Variants in SDK1 observed in about 807,000 individuals in gnomAD.
SDK1 encodes the protein sidekick cell adhesion molecule 1.
A neutral mutation model predicts 245.5 loss-of-function variants in SDK1; 157 were observed. The observed-to-expected ratio is 0.64, with a 90% CI of 0.56 to 0.73. The LOEUF is 0.73. Ranked by LOEUF, SDK1 falls within the 30% of genes least tolerant of loss-of-function variation. The pLI, the probability that SDK1 is intolerant of heterozygous loss-of-function variation, is 0.00. For missense variants in SDK1, 3,583 were observed against 3,002.3 expected, an observed-to-expected ratio of 1.19 and a Z score of -4.52; for synonymous variants, 1,647 against 1,278.5, an observed-to-expected ratio of 1.29 and a Z score of -6.15.
rs143942597 is a variant in SDK1, at chr7:3,552,049, T to C, written c.299-67031T>C. Among the ~76,000 whole-genome samples the C allele has an allele frequency of 9.0e-3, 1,362 of 151,832 alleles. 3 individuals carry two copies. The highest frequency in any genetic ancestry group is 0.011 in the African/African-American group (476 of 41,448). On this transcript the variant is annotated intron_variant, in intron 1 of 44. Coordinates refer to ENST00000404826, the MANE Select transcript of SDK1 (RefSeq NM_152744.4). Reference sequence around the variant, plus strand: ...TTTTACTCTTCTTCTTCTTCTTCTTTTTTTTTTGAGCCGGAGCCTCGCTCT... The same window carrying C: ...TTTTACTCTTCTTCTTCTTCTTCTTCTTTTTTTGAGCCGGAGCCTCGCTCT...
intron 22 of SDK1, 76 bp downstream of exon 22, chr7:4,079,660 C>T (rs1780933025): frequency 1.9e-6 from 3 of 1,574,808 alleles, no homozygotes; most frequent in Non-Finnish European, 2.6e-6. Context: ...GGTACCCCTG[C>T]AGATGATGGC....
chr7:4,198,779 G>T (rs961518433), intron 35 of SDK1, among the ~76,000 whole-genome samples: 1 of 151,290 alleles, frequency 6.6e-6, no homozygotes, highest in Non-Finnish European at 1.5e-5. Flanking sequence ...ACCCCTCGAA[G>T]CCTCAGCTTT....
At chr7:3,323,847 C>T (rs1779877247) in intron 1 of SDK1, among the ~76,000 whole-genome samples, 1 of 152,174 alleles carries the variant, frequency 6.6e-6, no homozygotes, top group African/African-American at 2.4e-5. Context: ...TTCTGCCTAG[C>T]ACAGTGTTTA....
intron 4 of SDK1, among the ~76,000 whole-genome samples, chr7:3,738,788 C>G (rs191840128): frequency 1.1e-3 from 171 of 149,978 alleles, no homozygotes; most frequent in African/African-American, 2.9e-3. Flanking sequence ...CTTTTTAATA[C>G]TATTGTAATG....
chr7:4,094,285 C>T lies in SDK1; in HGVS notation c.3324+14701C>T, dbSNP rs184209387. On this transcript the variant is annotated intron_variant, in intron 22 of 44. Transcript: ENST00000404826. Reference sequence around the variant, plus strand: ...CCATGTTGTCCAGGCTGGTCTCAAACTCCTGACCTCAAATGATCCACCCAC... The same window carrying T: ...CCATGTTGTCCAGGCTGGTCTCAAATTCCTGACCTCAAATGATCCACCCAC... Among the ~76,000 whole-genome samples the T allele has an allele frequency of 3.3e-5, 5 of 152,302 alleles. No individual in the cohort carries two copies. In the East Asian group the frequency reaches 9.7e-4, roughly 29 times the overall value.
chr7:3,811,448 G>C (rs1282189339), intron 4 of SDK1, among the ~76,000 whole-genome samples: 1 of 152,190 alleles, frequency 6.6e-6, no homozygotes, highest in Non-Finnish European at 1.5e-5. Context: ...TTAACTTTAA[G>C]TCAGGTTCGA....
intron 3 of SDK1, among the ~76,000 whole-genome samples, chr7:3,639,808 G>C (rs1562622565): frequency 1.3e-5 from 2 of 151,592 alleles, no homozygotes; most frequent in African/African-American, 4.8e-5. Context: ...ATATAATAGA[G>C]ACATAACATA....
chr7:3,328,585 A>T (rs969597709), intron 1 of SDK1, among the ~76,000 whole-genome samples: 1 of 152,150 alleles, frequency 6.6e-6, no homozygotes, highest in African/African-American at 2.4e-5. Context: ...TCCTTCCCCT[A>T]ATCCTTGTAC....
rs1027921210 is a variant in SDK1 at position 4,174,165 on chromosome 7, G to A, written c.4801-57G>A. The A allele has an allele frequency of 4.4e-6, 7 of 1,598,978 alleles. No homozygotes were observed. In the African/African-American group the frequency reaches 9.4e-5, roughly 21 times the overall value. On this transcript the variant is annotated intron_variant, in intron 32 of 44. Transcript: ENST00000404826. Reference sequence around the variant, plus strand: ...AACAGGGGTGGAGGTGAGCCCTGCTGCAGGCCAGCTGGGTTGACTCCCATG... The same window carrying A: ...AACAGGGGTGGAGGTGAGCCCTGCTACAGGCCAGCTGGGTTGACTCCCATG...
rs1157820091 is a variant in SDK1, at chr7:4,230,333, GATGA to G, written c.5828-2914_5828-2911del. Among the ~76,000 whole-genome samples the G allele has an allele frequency of 4.8e-5, 7 of 146,474 alleles. No homozygotes were observed. In the South Asian group the frequency reaches 1.4e-3, roughly 29 times the overall value. ...TGAAGGAAGGATGAATGGATGGATG[GATGA>G]ATGAATGGATGGATGCCTGGATGGA... On this transcript the variant is annotated intron_variant, in intron 40 of 44. Coordinates refer to ENST00000404826, the MANE Select transcript of SDK1 (RefSeq NM_152744.4).
chr7:4,119,730 A>G (rs1783943142), intron 25 of SDK1, among the ~76,000 whole-genome samples: 1 of 149,272 alleles, frequency 6.7e-6, no homozygotes, highest in Non-Finnish European at 1.5e-5. Context: ...AGATATTGCC[A>G]AAGCCAAATT....
At chr7:3,862,280 C>T (rs1011523210) in intron 5 of SDK1, among the ~76,000 whole-genome samples, 2 of 152,140 alleles carry the variant, frequency 1.3e-5, no homozygotes, top group East Asian at 1.9e-4. Flanking sequence ...GGAAGCAGGG[C>T]GCTAGTACCT....
At chr7:4,151,951 C>T (rs666562) in intron 30 of SDK1, among the ~76,000 whole-genome samples, 28,830 of 152,130 alleles carry the variant, frequency 0.19, 2,989 homozygotes, top group African/African-American at 0.26. Flanking sequence ...CAAGGGTCTG[C>T]GACGTATGAA....
rs934748975 is a variant in SDK1 at position 4,266,489 on chromosome 7, G to A, written c.*1105G>A. On this transcript the variant is annotated 3_prime_UTR_variant, in exon 45 of 45. Coordinates refer to ENST00000404826, the MANE Select transcript of SDK1 (RefSeq NM_152744.4). ...CTGCTGGCTGCTCGCAGCAGCCACC[G>A]CTTCTCCACCACTGGCGCTGCTGCT... 1.1e-5 allele frequency: 11 copies of A among 985,218 alleles called. No homozygotes were observed. The highest frequency in any genetic ancestry group is 6.2e-5 in the Admixed American group (1 of 16,258). The allele number at this position is 985,218 out of a possible 1,614,324, so 61.0% of individuals were successfully genotyped here. A position where few individuals can be genotyped will look rare whatever the true frequency, so the allele number is the denominator to read the frequency against.
intron 1 of SDK1, among the ~76,000 whole-genome samples, chr7:3,457,213 T>C (rs1258953878): frequency 2.0e-5 from 3 of 152,182 alleles, no homozygotes; most frequent in Admixed American, 6.5e-5. Flanking sequence ...TTTGGTTGTT[T>C]GTAGGTCAGG....
intron 20 of SDK1, among the ~76,000 whole-genome samples, chr7:4,070,978 C>T (rs562628994): frequency 6.6e-6 from 1 of 151,694 alleles, no homozygotes; most frequent in Non-Finnish European, 1.5e-5. Flanking sequence ...CCAAAGTGTG[C>T]TGTGCCTCTT....
intron 1 of SDK1, among the ~76,000 whole-genome samples, chr7:3,539,111 C>G (rs370703152): frequency 1.1e-4 from 16 of 152,312 alleles, no homozygotes; most frequent in Admixed American, 4.6e-4. Flanking sequence ...ATTATATTAG[C>G]TCTGTCTTCT....
chr7:4,212,275 C>G (rs1220796568), intron 38 of SDK1, among the ~76,000 whole-genome samples: 1 of 152,124 alleles, frequency 6.6e-6, no homozygotes, highest in Non-Finnish European at 1.5e-5. Flanking sequence ...CACTGAATCT[C>G]AGATGCCATT....
intron 5 of SDK1, among the ~76,000 whole-genome samples, chr7:3,950,693 C>G (rs1780772811): frequency 6.6e-6 from 1 of 152,064 alleles, no homozygotes; most frequent in Admixed American, 6.5e-5. Context: ...TTTTGTAGCC[C>G]CGTTGTAAGT....
Sources: allele counts gnomAD v4.1 joint callset (sites outside exome capture counted in the v4.1 genomes callset), GRCh38; gene constraint gnomAD v4.1.1; transcripts MANE v1.5; gene names NCBI Gene and HGNC (gene_info 2026-07-23, HGNC 2026-07-21).